FAT3: variants seen among roughly 807,000 people sequenced by gnomAD.
FAT3 encodes the protein FAT atypical cadherin 3.
In FAT3, 95 loss-of-function variants were observed where a neutral mutation model predicts 310.2. The observed-to-expected ratio is 0.31, with a 90% CI of 0.26 to 0.36. The LOEUF (loss-of-function observed/expected upper bound fraction) is 0.36. Among genes scored for constraint, FAT3 ranks in the 10% least tolerant of loss-of-function variants. FAT3 has a pLI of 1.00. For synonymous variants in FAT3, 2,314 were observed against 2,192.9 expected, an observed-to-expected ratio of 1.06 and a Z score of -1.54; for missense variants, 5,408 against 5,715.6, an observed-to-expected ratio of 0.95 and a Z score of 1.74.
At chr11:92,570,289 A>G (rs1955627446) in intron 3 of FAT3, among the ~76,000 whole-genome samples, 12 of 152,214 alleles carry the variant, frequency 7.9e-5, no homozygotes, top group Admixed American at 7.9e-4. Context: ...CTTGAAGACA[A>G]GCCAGTCCTT....
At chr11:92,360,024 T>G (rs1948839493) in intron 2 of FAT3, among the ~76,000 whole-genome samples, 1 of 151,814 alleles carries the variant, frequency 6.6e-6, no homozygotes, top group African/African-American at 2.4e-5. Flanking sequence ...CAAATGGTAT[T>G]TCTAGTTCTA....
rs540999166 is a variant in FAT3 at position 92,499,092 on chromosome 11, A to G, written c.3293-25542A>G. On this transcript the variant is annotated intron_variant, in intron 2 of 27. Transcript: ENST00000525166. ...CATTCATTTAGCAAGCATTTATTGA[A>G]GACCTACTCTGCACCCTACCTTGTG... Among the ~76,000 whole-genome samples the G allele has an allele frequency of 6.6e-5, 10 of 152,196 alleles. 1 individual carries two copies. In the South Asian group the frequency reaches 2.1e-3, roughly 32 times the overall value.
chr11:92,460,622 T>C (rs1446181745), intron 2 of FAT3, among the ~76,000 whole-genome samples: 3 of 152,196 alleles, frequency 2.0e-5, no homozygotes, highest in Non-Finnish European at 4.4e-5. Context: ...AGCCCAGTGA[T>C]ACAGAGCTTG....
chr11:92,238,625 A>G (rs2134246100), intron 1 of FAT3, among the ~76,000 whole-genome samples: 1 of 152,232 alleles, frequency 6.6e-6, no homozygotes, highest in South Asian at 2.1e-4. Context: ...AGGAATCATT[A>G]TTGTAACTGC....
intron 2 of FAT3, among the ~76,000 whole-genome samples, chr11:92,485,070 C>T (rs1391514354): frequency 1.3e-5 from 2 of 152,174 alleles, no homozygotes; most frequent in Non-Finnish European, 1.5e-5. Flanking sequence ...GTGGGAACCT[C>T]TAAGGAAAAA....
intron 1 of FAT3, among the ~76,000 whole-genome samples, chr11:92,273,968 G>A (rs949875609): frequency 5.9e-5 from 9 of 152,120 alleles, no homozygotes; most frequent in African/African-American, 2.2e-4. Context: ...CAAGTTTAGT[G>A]CGGGGCTTAA....
At chr11:92,635,756 T>TA (rs1312422969) in intron 3 of FAT3, among the ~76,000 whole-genome samples, 1 of 152,192 alleles carries the variant, frequency 6.6e-6, no homozygotes, top group East Asian at 1.9e-4. Context: ...TGGAGTGACT[T>TA]AAATACTTAC....
intron 2 of FAT3, among the ~76,000 whole-genome samples, chr11:92,514,480 A>G (rs1373253006): frequency 2.0e-5 from 3 of 152,196 alleles, no homozygotes; most frequent in African/African-American, 7.2e-5. Flanking sequence ...GTGATAGGTA[A>G]AAATGTGAGG....
chr11:92,651,931 A>G (rs918792895), intron 3 of FAT3, among the ~76,000 whole-genome samples: 2 of 152,192 alleles, frequency 1.3e-5, no homozygotes, highest in Non-Finnish European at 2.9e-5. Flanking sequence ...ATGAAAATCA[A>G]TTTGATCACT....
chr11:92,507,753 C>CTA (rs776351117), intron 2 of FAT3, among the ~76,000 whole-genome samples: 1 of 149,660 alleles, frequency 6.7e-6, no homozygotes, highest in African/African-American at 2.5e-5. Context: ...CATACACACC[C>CTA]TATATATATA....
At chr11:92,528,321 C>G (rs1953943427) in intron 3 of FAT3, among the ~76,000 whole-genome samples, 1 of 152,192 alleles carries the variant, frequency 6.6e-6, no homozygotes, top group Admixed American at 6.5e-5. Context: ...TAAATTCAAT[C>G]AAATGCAGCC....
intron 1 of FAT3, among the ~76,000 whole-genome samples, chr11:92,286,181 C>A (rs1946558515): frequency 2.0e-5 from 3 of 152,126 alleles, no homozygotes; most frequent in Non-Finnish European, 2.9e-5. Flanking sequence ...GCCAGTGATG[C>A]TTTGTCATTC....
chr11:92,527,488 C>G (rs1312359740), intron 3 of FAT3, among the ~76,000 whole-genome samples: 1 of 152,096 alleles, frequency 6.6e-6, no homozygotes, highest in East Asian at 1.9e-4. Flanking sequence ...TGAAAATGAC[C>G]TTGCTTACTC....
At chr11:92,782,139 T>C (rs1432536929) in intron 7 of FAT3, among the ~76,000 whole-genome samples, 2 of 152,082 alleles carry the variant, frequency 1.3e-5, no homozygotes, top group Non-Finnish European at 1.5e-5. Flanking sequence ...CGAGAACTTA[T>C]TTCTGCAATA....
chr11:92,843,784 C>T (rs1289898087), intron 18 of FAT3, 150 bp from the exon 19 acceptor site: 7 of 742,236 alleles, frequency 9.4e-6, no homozygotes, highest in East Asian at 5.0e-5. Flanking sequence ...CTTACTTAAA[C>T]GCACATCCTC....
chr11:92,657,646 A>G (rs573388249), intron 3 of FAT3, among the ~76,000 whole-genome samples: 15 of 152,378 alleles, frequency 9.8e-5, no homozygotes, highest in African/African-American at 3.1e-4. Flanking sequence ...TTGAACAACT[A>G]GGAATATTTA....
chr11:92,332,245 T>A (rs1306967374), intron 1 of FAT3, among the ~76,000 whole-genome samples: 2 of 152,194 alleles, frequency 1.3e-5, no homozygotes, highest in African/African-American at 2.4e-5. Flanking sequence ...ACATCTGTGT[T>A]TTTACTTCCT....
At chr11:92,823,028 A>G (rs901006816) in intron 13 of FAT3, among the ~76,000 whole-genome samples, 1 of 151,876 alleles carries the variant, frequency 6.6e-6, no homozygotes, top group Admixed American at 6.6e-5. Flanking sequence ...TCCCTTGACC[A>G]CCCCTCTCCA....
intron 3 of FAT3, among the ~76,000 whole-genome samples, chr11:92,617,294 C>T (rs1462323439): frequency 6.6e-6 from 1 of 152,206 alleles, no homozygotes; most frequent in Admixed American, 6.5e-5. Context: ...ATGCATTCAT[C>T]ACGTAGTTCT....
Sources: gnomAD v4.1 joint callset for allele counts (sites outside exome capture counted in the v4.1 genomes callset) on GRCh38, gnomAD v4.1.1 for gene constraint, MANE v1.5 for transcripts, NCBI Gene and HGNC (gene_info 2026-07-23, HGNC 2026-07-21) for gene names.